SFPQ: variants seen among roughly 807,000 people sequenced by gnomAD.
The protein encoded by SFPQ is splicing factor, proline- and glutamine-rich.
SFPQ carries 11 observed loss-of-function variants against 72.9 expected under a neutral mutation model. The ratio of observed to expected loss-of-function variants is 0.15; its 90% confidence interval spans 0.09 to 0.25. The LOEUF is 0.25. Among genes scored for constraint, SFPQ ranks in the 10% least tolerant of loss-of-function variants. The pLI, the probability that SFPQ is intolerant of heterozygous loss-of-function variation, is 1.00. For missense variants in SFPQ, 847 were observed against 993.3 expected (o/e 0.85, Z 1.98); for synonymous variants, 506 against 367.3 (o/e 1.38, Z -4.32).
downstream of SFPQ, chr1:35,178,714 T>G: frequency 9.5e-7 from 1 of 1,053,758 alleles, no homozygotes; most frequent in Non-Finnish European, 1.1e-6. Flanking sequence ...AAGATCAGCC[T>G]TCATTCAAGT....
chr1:35,187,924 G>GT, intron 7 of SFPQ, 49 bp downstream of exon 7: 1 of 1,159,476 alleles, frequency 8.6e-7, no homozygotes, highest in Non-Finnish European at 1.3e-6. Context: ...CTAGGTACCT[G>GT]CAAGTTCTAT....
chr1:35,193,089 A>T lies in SFPQ; in HGVS notation c.-40T>A, dbSNP rs779207473. On this transcript the variant is annotated 5_prime_UTR_variant, in exon 1 of 10. Coordinates refer to ENST00000357214, the MANE Select transcript of SFPQ (RefSeq NM_005066.3). Reference sequence around the variant, plus strand: ...GGCGGTCGAGGCAAAAGCGAAGAAGACGCTCAGGAAACGTGGAGGCCACCT... The same window carrying T: ...GGCGGTCGAGGCAAAAGCGAAGAAGTCGCTCAGGAAACGTGGAGGCCACCT... The T allele has an allele frequency of 2.0e-6, 3 of 1,509,618 alleles. No individual in the cohort carries two copies. Among genetic ancestry groups the T allele is most frequent in the Non-Finnish European group, 2.6e-6 (3 of 1,139,192 alleles). 93.5% of individuals were successfully genotyped at this position (1,509,618 alleles called of 1,614,324 possible).
intron 9 of SFPQ, among the ~76,000 whole-genome samples, chr1:35,184,942 TCTCA>T (rs1195892855): frequency 3.3e-5 from 5 of 152,264 alleles, no homozygotes; most frequent in South Asian, 4.1e-4. Flanking sequence ...ACTTGCAAAC[TCTCA>T]CTTTCAACGT....
chr1:35,192,229 T>C lies in SFPQ; in HGVS notation c.821A>G (p.Asp274Gly). The C allele has an allele frequency of 6.9e-7, 1 of 1,458,624 alleles. No individual in the cohort carries two copies. Among genetic ancestry groups the C allele is most frequent in the Non-Finnish European group, 9.0e-7 (1 of 1,113,006 alleles). 90.4% of individuals were successfully genotyped at this position (1,458,624 alleles called of 1,614,324 possible). A position where few individuals can be genotyped will look rare whatever the true frequency, so the allele number is the denominator to read the frequency against. The change falls in exon 1 of 10, where the codon GAC becomes GGC. Residue 274 changes from aspartate (D) to glycine (G), a missense_variant. Around this residue, in one of 6 missense-constraint regions of SFPQ, gnomAD observed 498 missense variants for 405.1 expected, o/e 1.23. Transcript: ENST00000357214. ...PGGRSEEKIS[D>G]SEGFKANLSL... ...GCTCCCATAGACACTCACCTCCGAG[T>C]CCGAGATCTTCTCCTCGCTGCGGCC... is the stretch of plus-strand genomic sequence containing the variant.
rs754047965 is a variant in SFPQ at position 35,193,080 on chromosome 1, G to A, written c.-31C>T. 6 of 1,519,578 alleles carry A rather than the reference G, an allele frequency of 3.9e-6. No individual in the cohort carries two copies. Among genetic ancestry groups the A allele is most frequent in the Middle Eastern group, 1.7e-4 (1 of 5,734 alleles). 94.1% of individuals were successfully genotyped at this position (1,519,578 alleles called of 1,614,324 possible). A position where few individuals can be genotyped will look rare whatever the true frequency, so the allele number is the denominator to read the frequency against. On this transcript the variant is annotated 5_prime_UTR_variant, in exon 1 of 10. Transcript: ENST00000357214. ...TGGTCAAGGGGCGGTCGAGGCAAAA[G>A]CGAAGAAGACGCTCAGGAAACGTGG...
intron 1 of SFPQ, among the ~76,000 whole-genome samples, chr1:35,191,796 T>TA (rs1036018616): frequency 2.6e-5 from 4 of 152,162 alleles, no homozygotes; most frequent in African/African-American, 7.2e-5. Flanking sequence ...TGAGTGTCCC[T>TA]AAAAAAATCT....
At chr1:35,191,566 A>G (rs969708865) in intron 1 of SFPQ, 37 bp from the exon 2 acceptor site, 2 of 1,512,614 alleles carry the variant, frequency 1.3e-6, no homozygotes, top group Non-Finnish European at 1.8e-6. Context: ...AACACCAGAG[A>G]CCTCTGCAAG....
At chr1:35,182,482 A>T (rs1639510922), downstream of SFPQ, 1 of 985,194 alleles carries the variant, frequency 1.0e-6, no homozygotes, top group Non-Finnish European at 1.2e-6. Flanking sequence ...TGTCAGTCAT[A>T]CAACCAGTAT....
At position 35,186,983 on chromosome 1, in the gene SFPQ, T is replaced by TC. The variant is rs760512970; in HGVS notation, c.1986+17dup. 25 of 1,603,306 alleles carry TC rather than the reference T, an allele frequency of 1.6e-5. No individual in the cohort carries two copies. The highest frequency in any genetic ancestry group is 1.7e-4 in the Middle Eastern group (1 of 6,034). Reference sequence around the variant, plus strand: ...AAATGAGAATTTCCTTGGTACTACGTCCCACAGGATACATTACCATGTCAC... The same window carrying TC: ...AAATGAGAATTTCCTTGGTACTACGTCCCCACAGGATACATTACCATGTCAC... On this transcript the variant is annotated intron_variant, in intron 9 of 9. Coordinates refer to ENST00000357214, the MANE Select transcript of SFPQ (RefSeq NM_005066.3).
chr1:35,187,925 C>A, intron 7 of SFPQ, 48 bp downstream of exon 7: 2 of 1,169,730 alleles, frequency 1.7e-6, no homozygotes, highest in Non-Finnish European at 2.6e-6. Flanking sequence ...TAGGTACCTG[C>A]AAGTTCTATA....
chr1:35,192,009 T>G (rs1044718989), intron 1 of SFPQ, among the ~76,000 whole-genome samples: 1 of 151,684 alleles, frequency 6.6e-6, no homozygotes, highest in African/African-American at 2.4e-5. Context: ...AAAGGAAACC[T>G]CCCCTAGCCT....
chr1:35,189,626 T>C (rs1460607050), intron 4 of SFPQ, among the ~76,000 whole-genome samples: 1 of 152,154 alleles, frequency 6.6e-6, no homozygotes, highest in Non-Finnish European at 1.5e-5. Flanking sequence ...GCCAAATTCC[T>C]TACCGAGGCT....
At chr1:35,188,120 A>G in intron 6 of SFPQ, 30 bp from the exon 7 acceptor site, 1 of 1,454,678 alleles carries the variant, frequency 6.9e-7, no homozygotes, top group Non-Finnish European at 9.7e-7. Flanking sequence ...ACATAACTGA[A>G]GTGTTATCCA....
At position 35,191,405 on chromosome 1, in the gene SFPQ, G is replaced by C. The variant is rs1209517092; in HGVS notation, c.953C>G (p.Ala318Gly). The change falls in exon 2 of 10, where the codon GCT becomes GGT. Residue 318 changes from alanine (A) to glycine (G), a missense_variant. Physicochemically the swap from Ala to Gly is moderately conservative, Grantham distance 60. Around this residue, in one of 6 missense-constraint regions of SFPQ, gnomAD observed 35 missense variants for 52.9 expected, o/e 0.66. Transcript: ENST00000357214. ...ITEDEFKRLF[A>G]KYGEPGEVFI... ...AACTTCTCCTGGTTCTCCATATTTAGCAAATAGTCTTTTGAATTCATCCTC... is the reference window on the plus strand; with the variant it reads ...AACTTCTCCTGGTTCTCCATATTTACCAAATAGTCTTTTGAATTCATCCTC... The C allele has an allele frequency of 7.4e-6, 12 of 1,613,844 alleles. No homozygotes were observed. Among genetic ancestry groups the C allele is most frequent in the Non-Finnish European group, 9.3e-6 (11 of 1,179,880 alleles).
At chr1:35,191,569 T>G in intron 1 of SFPQ, 40 bp from the exon 2 acceptor site, 3 of 1,485,802 alleles carry the variant, frequency 2.0e-6, no homozygotes, top group Non-Finnish European at 2.8e-6. Flanking sequence ...ACCAGAGACC[T>G]CTGCAAGTGA....
In SFPQ at chr1:35,190,749, G is replaced by C; in HGVS notation, c.1264C>G (p.Pro422Ala). The C allele has an allele frequency of 6.2e-7, 1 of 1,614,200 alleles. No homozygotes were observed. Among genetic ancestry groups the C allele is most frequent in the Non-Finnish European group, 8.5e-7 (1 of 1,180,034 alleles). Residue 422 changes from proline to alanine, a missense_variant, in exon 3 of 10, where the codon CCA becomes GCA. This residue lies in a region of SFPQ where 132 missense variants were observed against 255.4 expected (regional missense o/e 0.52). Coordinates refer to ENST00000357214, the MANE Select transcript of SFPQ (RefSeq NM_005066.3). Reference protein sequence around the residue: ...GKGIVEFASKPAARKAFERCS... With the variant: ...GKGIVEFASKAAARKAFERCS... The stretch of plus-strand genomic sequence containing the variant: ...CGTTCAAATGCCTTTCTTGCTGCTG[G>C]CTTAGAAGCAAATTCAACAATGCCT...
At chr1:35,180,674 T>C (rs1639429669), downstream of SFPQ, 4 of 1,055,376 alleles carry the variant, frequency 3.8e-6, no homozygotes, top group Non-Finnish European at 4.6e-6. Context: ...ACTCAACTTG[T>C]AGAATTACCA....
chr1:35,186,933 C>T, intron 9 of SFPQ, 68 bp downstream of exon 9: 6 of 1,517,062 alleles, frequency 4.0e-6, no homozygotes, highest in Non-Finnish European at 5.3e-6. Flanking sequence ...CAAAACAAAA[C>T]AAAACAAACA....
Position 35,191,434 on chromosome 1 carries a change from G to A in SFPQ, c.924C>T (p.Ile308=). 1 of 1,613,996 alleles carries A rather than the reference G, an allele frequency of 6.2e-7. No individual in the cohort carries two copies. Among genetic ancestry groups the A allele is most frequent in the Non-Finnish European group, 8.5e-7 (1 of 1,179,878 alleles). Reference sequence around the variant, plus strand: ...ATAGTCTTTTGAATTCATCCTCCGTGATATCAGCAGGTAGATTCCCAACAA... The same window carrying A: ...ATAGTCTTTTGAATTCATCCTCCGTAATATCAGCAGGTAGATTCCCAACAA... The part of the protein sequence containing the change: ...RLFVGNLPAD[I]TEDEFKRLFA... The change falls in exon 2 of 10, where the codon ATC becomes ATT. Residue 308 remains isoleucine, a synonymous_variant. Transcript: ENST00000357214.
Sources: allele counts gnomAD v4.1 joint callset (sites outside exome capture counted in the v4.1 genomes callset), GRCh38; gene constraint gnomAD v4.1.1; regional missense constraint gnomAD v4.1.1; transcripts MANE v1.5; gene names NCBI Gene and HGNC (gene_info 2026-07-23, HGNC 2026-07-21).